The following SHISA9 variants were observed in gnomAD, a reference collection of about 807,000 sequenced individuals.
SHISA9 encodes protein shisa-9.
Under a neutral mutation model 38.0 loss-of-function variants are expected in SHISA9, and 13 were observed. That is an observed-to-expected ratio of 0.34 (90% confidence interval 0.22 to 0.54). SHISA9 has a LOEUF of 0.54. Ranked by LOEUF, SHISA9 falls within the 20% of genes least tolerant of loss-of-function variation. SHISA9 has a pLI of 0.91. For missense variants in SHISA9, 538 were observed against 575.8 expected (o/e 0.93, Z 0.67); for synonymous variants, 275 against 242.0 (o/e 1.14, Z -1.27).
intron 2 of SHISA9, among the ~76,000 whole-genome samples, chr16:13,074,476 A>T (rs1465304016): frequency 6.6e-6 from 1 of 152,108 alleles, no homozygotes; most frequent in Non-Finnish European, 1.5e-5. Flanking sequence ...GTTTCTATGC[A>T]CACTAAAAAT....
In SHISA9 at chr16:13,010,100, C is replaced by T. The variant is rs149480608; in HGVS notation, c.691+93285C>T. The stretch of plus-strand genomic sequence containing the variant: ...GGCTGAGGCAGGAAGGTCGCTTGAG[C>T]CCAGGAGGTTGAGACTGCAGTGACC... On this transcript the variant is annotated intron_variant, in intron 2 of 4. Transcript: ENST00000558583. Among the ~76,000 whole-genome samples the T allele has an allele frequency of 1.2e-3, 181 of 152,168 alleles. 4 individuals are homozygous for T. In the East Asian group the frequency reaches 0.029, roughly 24 times the overall value.
the SHISA9 span, among the ~76,000 whole-genome samples, chr16:13,245,593 G>T: frequency 4.8e-3 from 736 of 152,248 alleles, 8 homozygotes; most frequent in African/African-American, 0.017. Flanking sequence ...ACAAAATTGT[G>T]TTTTATTTTT....
intron 3 of SHISA9, among the ~76,000 whole-genome samples, chr16:13,203,929 C>G (rs1274077907): frequency 6.6e-6 from 1 of 151,958 alleles, no homozygotes; most frequent in Non-Finnish European, 1.5e-5. Context: ...TCTATTGAAT[C>G]TATCTACCTA....
At chr16:13,422,262 G>C in the SHISA9 span, among the ~76,000 whole-genome samples, 7 of 152,166 alleles carry the variant, frequency 4.6e-5, no homozygotes, top group Non-Finnish European at 1.0e-4. Flanking sequence ...TAGCAAATAT[G>C]TTCCTGTCCT....
chr16:13,514,735 G>C, the SHISA9 span, among the ~76,000 whole-genome samples: 1 of 152,158 alleles, frequency 6.6e-6, no homozygotes. Context: ...AGGCCCCAGA[G>C]AATGGGTAAC....
Position 12,901,968 on chromosome 16 carries a change from TC to T in SHISA9, c.-94del. On this transcript the variant is annotated 5_prime_UTR_variant, in exon 1 of 5. Coordinates refer to ENST00000558583, the MANE Select transcript of SHISA9 (RefSeq NM_001145204.3). ...TGTGCGGCCCGCGGCGGCTCGCAGC[TC>T]CCGGCAGCAGCCTCGGCAGCTTCGG... is the stretch of plus-strand genomic sequence containing the variant. The T allele has an allele frequency of 9.1e-7, 1 of 1,095,972 alleles. No individual in the cohort carries two copies. 67.9% of individuals were successfully genotyped at this position (1,095,972 alleles called of 1,614,324 possible). A position where few individuals can be genotyped will look rare whatever the true frequency, so the allele number is the denominator to read the frequency against.
At chr16:12,924,760 A>C (rs1310978879) in intron 2 of SHISA9, among the ~76,000 whole-genome samples, 1 of 152,198 alleles carries the variant, frequency 6.6e-6, no homozygotes, top group Non-Finnish European at 1.5e-5. Context: ...TCTGACATTG[A>C]ACATGGCTTT....
At chr16:13,222,359 A>G (rs1004845249) in intron 4 of SHISA9, among the ~76,000 whole-genome samples, 7 of 152,170 alleles carry the variant, frequency 4.6e-5, no homozygotes, top group Admixed American at 2.0e-4. Context: ...ACCTTGTTGC[A>G]CTATGACTCT....
intron 2 of SHISA9, among the ~76,000 whole-genome samples, chr16:13,183,766 C>G (rs908418894): frequency 1.3e-5 from 2 of 152,202 alleles, no homozygotes; most frequent in Admixed American, 1.3e-4. Flanking sequence ...CTTTAAGGTC[C>G]TGATCTAATT....
the SHISA9 span, among the ~76,000 whole-genome samples, chr16:13,394,078 A>G: frequency 2.0e-5 from 3 of 152,310 alleles, no homozygotes; most frequent in Non-Finnish European, 2.9e-5. Context: ...GGGATTGTCA[A>G]TGTGCCAGTT....
the SHISA9 span, among the ~76,000 whole-genome samples, chr16:13,418,087 G>A: frequency 6.6e-6 from 1 of 152,126 alleles, no homozygotes; most frequent in Admixed American, 6.5e-5. Context: ...ATGTTTTGGA[G>A]GGGAGGCCTA....
intron 2 of SHISA9, among the ~76,000 whole-genome samples, chr16:12,942,638 G>T (rs1051263555): frequency 3.3e-5 from 5 of 152,206 alleles, no homozygotes; most frequent in African/African-American, 1.2e-4. Flanking sequence ...TGGTCCTAAG[G>T]AACTTGAGCA....
chr16:13,357,122 G>C, the SHISA9 span, among the ~76,000 whole-genome samples: 888 of 151,994 alleles, frequency 5.8e-3, 3 homozygotes, highest in Admixed American at 0.011. Context: ...GAAAAGCAGA[G>C]AAGGGGTTGG....
the SHISA9 span, among the ~76,000 whole-genome samples, chr16:13,539,273 G>C: frequency 3.7e-4 from 49 of 132,556 alleles, no homozygotes; most frequent in Admixed American, 3.7e-3. Flanking sequence ...GGGACCACAG[G>C]TGTGTACCAC....
At chr16:13,117,929 C>A (rs540634572) in intron 2 of SHISA9, among the ~76,000 whole-genome samples, 1 of 152,232 alleles carries the variant, frequency 6.6e-6, no homozygotes, top group African/African-American at 2.4e-5. Context: ...CACCTGTAAT[C>A]CCAGCACTTT....
intron 2 of SHISA9, among the ~76,000 whole-genome samples, chr16:13,023,650 T>A (rs886243599): frequency 6.6e-6 from 1 of 152,244 alleles, no homozygotes; most frequent in Non-Finnish European, 1.5e-5. Flanking sequence ...TGTAAAAGTA[T>A]TCCTATTTCT....
At chr16:13,055,976 G>C (rs969961403) in intron 2 of SHISA9, among the ~76,000 whole-genome samples, 1 of 152,162 alleles carries the variant, frequency 6.6e-6, no homozygotes, top group Non-Finnish European at 1.5e-5. Context: ...TCACACATGT[G>C]GTTTTCATGA....
the SHISA9 span, among the ~76,000 whole-genome samples, chr16:13,526,200 T>A: frequency 6.6e-6 from 1 of 152,202 alleles, no homozygotes; most frequent in Non-Finnish European, 1.5e-5. Flanking sequence ...TCTCTTGTTA[T>A]CAAAACGGGT....
chr16:13,255,555 T>A, the SHISA9 span, among the ~76,000 whole-genome samples: 2 of 152,248 alleles, frequency 1.3e-5, no homozygotes, highest in East Asian at 3.8e-4. Flanking sequence ...AAGGCAGAAG[T>A]GAAATCCAGA....
Sources: allele counts gnomAD v4.1 joint callset (sites outside exome capture counted in the v4.1 genomes callset), GRCh38; gene constraint gnomAD v4.1.1; transcripts MANE v1.5; gene names NCBI Gene and HGNC (gene_info 2026-07-23, HGNC 2026-07-21).